Variants in ITGA11 observed in about 807,000 individuals in gnomAD.
ITGA11 encodes the protein integrin subunit alpha 11.
A neutral mutation model predicts 141.9 loss-of-function variants in ITGA11; 97 were observed. The ratio of observed to expected loss-of-function variants is 0.68; its 90% CI spans 0.58 to 0.81. The LOEUF (loss-of-function observed/expected upper bound fraction) is 0.81, where lower values mean the gene tolerates loss of function less well. ITGA11 is among the 30% of genes least tolerant of loss of function. The probability of loss-of-function intolerance (pLI) is 0.00; values close to 1 mark genes in which losing one functional copy is unlikely to be tolerated. For synonymous variants in ITGA11, 658 were observed against 624.6 expected (o/e 1.05, Z -0.80); for missense variants, 1,387 against 1,559.2 (o/e 0.89, Z 1.86).
Position 68,330,994 on chromosome 15 carries a change from C to A in ITGA11, c.1888G>T (p.Ala630Ser), listed in dbSNP as rs765389490. 4 of 1,613,924 alleles carry A rather than the reference C, an allele frequency of 2.5e-6. No homozygotes were observed. The highest frequency in any genetic ancestry group is 8.5e-7 in the Non-Finnish European group (1 of 1,179,874). The change falls in exon 15 of 30, where the codon GCT becomes TCT. Residue 630 changes from alanine to serine, a missense_variant. By Grantham distance (99) the Ala-to-Ser change is moderately conservative. Transcript: ENST00000315757. The stretch of plus-strand genomic sequence containing the variant: ...GGGGGAACCAACCACAGAATCACAG[C>A]GTTGCCAAGGGCTCCCACTGCCAGG... The part of the protein sequence containing the change: ...IDLAVGALGN[A>S]VILWSRPVVQ...
chr15:68,348,963 G>C (rs767171295), intron 9 of ITGA11, 63 bp from the exon 10 acceptor site: 53 of 1,409,672 alleles, frequency 3.8e-5, no homozygotes, highest in Non-Finnish European at 4.9e-5. Flanking sequence ...AGACAGATCT[G>C]CTGCCCAACC....
intron 3 of ITGA11, among the ~76,000 whole-genome samples, chr15:68,368,020 G>A (rs915690375): frequency 4.6e-5 from 7 of 152,344 alleles, no homozygotes; most frequent in Non-Finnish European, 1.0e-4. Flanking sequence ...CCCACCCATG[G>A]TGCTGATGCA....
rs138683289 is a variant in ITGA11 at position 68,410,802 on chromosome 15, G to A, written c.53-7773C>T. On this transcript the variant is annotated intron_variant, in intron 1 of 29. Coordinates refer to ENST00000315757, the MANE Select transcript of ITGA11 (RefSeq NM_001004439.2). The stretch of plus-strand genomic sequence containing the variant: ...GGCACTAGTGCGATAGAGCAAGGGA[G>A]GGGTGAGGGGACGTGGTCCCTACAT... Among the ~76,000 whole-genome samples the A allele has an allele frequency of 7.5e-3, 1,138 of 152,330 alleles. 20 individuals carry two copies. The highest frequency in any genetic ancestry group is 0.026 in the African/African-American group (1,067 of 41,570).
In ITGA11 at chr15:68,301,060, A is replaced by G. The variant is rs1472034461; in HGVS notation, c.*1999T>C. ...TTTAGCAACATTTCCTTCTGATTCT[A>G]TTAGAAGGCAATGGGTTTTGATACT... On this transcript the variant is annotated 3_prime_UTR_variant, in exon 30 of 30. Coordinates refer to ENST00000315757, the MANE Select transcript of ITGA11 (RefSeq NM_001004439.2). This position sits in a 1 kb window ranked among gnomAD's most constrained non-coding sequence, Gnocchi z 4.4. The G allele has an allele frequency of 2.0e-5, 3 of 152,206 alleles. No homozygotes were observed. In the East Asian group the frequency reaches 5.8e-4, roughly 29 times the overall value. The allele number at this position is 152,206 out of a possible 1,614,324, so 9.4% of individuals were successfully genotyped here.
Position 68,322,254 on chromosome 15 carries a change from G to C in ITGA11, c.2323-751C>G, listed in dbSNP as rs1893836754. ...GGGTCATTCCTTGCAACTGGTAGGA[G>C]TCGCCGAATGCCTCAGGCAGGGAAT... On this transcript the variant is annotated intron_variant, in intron 18 of 29. Transcript: ENST00000315757. The surrounding 1 kb of genome is among the most constrained non-coding windows in gnomAD (Gnocchi z 5.6). 1.3e-5 allele frequency among the ~76,000 whole-genome samples: 2 copies of C among 152,200 alleles called. No homozygotes were observed. The highest frequency in any genetic ancestry group is 4.1e-4 in the South Asian group (2 of 4,828).
intron 6 of ITGA11, among the ~76,000 whole-genome samples, chr15:68,358,069 A>G (rs1296329572): frequency 6.6e-6 from 1 of 152,200 alleles, no homozygotes; most frequent in African/African-American, 2.4e-5. Context: ...CGTTTCAGAT[A>G]TATGAGCCTA....
intron 10 of ITGA11, among the ~76,000 whole-genome samples, chr15:68,341,171 G>T (rs1894557469): frequency 1.3e-5 from 2 of 152,198 alleles, no homozygotes. Flanking sequence ...TCTTGGGAGA[G>T]TCAATGTGCT....
rs190830936 is a variant in ITGA11, at chr15:68,348,753, C to A, written c.1131+77G>T. ...CCATCTGTGAAGGTGGATGACAGAT[C>A]CAGAGAGCTAGAAAGGGGAAGAGCA... On this transcript the variant is annotated intron_variant, in intron 10 of 29. Transcript: ENST00000315757. The A allele has an allele frequency of 7.7e-6, 10 of 1,294,382 alleles. No individual in the cohort carries two copies. In the African/African-American group the frequency reaches 1.0e-4, roughly 13 times the overall value. The allele number at this position is 1,294,382 out of a possible 1,614,324, so 80.2% of individuals were successfully genotyped here.
intron 11 of ITGA11, among the ~76,000 whole-genome samples, chr15:68,339,005 C>T (rs1894466920): frequency 6.6e-6 from 1 of 152,222 alleles, no homozygotes; most frequent in Non-Finnish European, 1.5e-5. Context: ...GCTGCTGGGA[C>T]CTTCACCATC....
Position 68,335,584 on chromosome 15 carries a change from G to C in ITGA11, c.1425+113C>G. The C allele has an allele frequency of 1.6e-6, 2 of 1,236,240 alleles. No homozygotes were observed. The highest frequency in any genetic ancestry group is 3.0e-5 in the African/African-American group (2 of 67,436). The allele number at this position is 1,236,240 out of a possible 1,614,324, so 76.6% of individuals were successfully genotyped here. On this transcript the variant is annotated intron_variant, in intron 12 of 29. Transcript: ENST00000315757. This position sits in a 1 kb window ranked among gnomAD's most constrained non-coding sequence, Gnocchi z 4.9. ...AGCATGAAGGTGGCTGGAGGAACAT[G>C]ACTGCCCTTTGGGGCACCCAGTGGT...
chr15:68,379,062 C>T (rs888819332), intron 2 of ITGA11, among the ~76,000 whole-genome samples: 2 of 152,326 alleles, frequency 1.3e-5, no homozygotes, highest in Non-Finnish European at 2.9e-5. Flanking sequence ...CCAACTTGTG[C>T]CATTTACAGT....
rs145683558 is a variant in ITGA11, at chr15:68,425,086, G to A, written c.52+6929C>T. ...ATTCCCAGAACTTGGAGGTGCCTGG[G>A]GCTTAGTGGGCGCTCAGCACATGCT... On this transcript the variant is annotated intron_variant, in intron 1 of 29. Transcript: ENST00000315757. Among the ~76,000 whole-genome samples, 833 of 152,300 alleles carry A rather than the reference G, an allele frequency of 5.5e-3. 5 individuals are homozygous for A. The highest frequency in any genetic ancestry group is 0.019 in the African/African-American group (786 of 41,558).
In ITGA11 at chr15:68,322,743, C is replaced by T. The variant is rs1451500295; in HGVS notation, c.2323-1240G>A. 6.6e-6 allele frequency among the ~76,000 whole-genome samples: 1 copy of T among 151,936 alleles called. No individual in the cohort carries two copies. The highest frequency in any genetic ancestry group is 1.5e-5 in the Non-Finnish European group (1 of 68,002). ...ATTAGCTGGGCGCAGTGGCTGCAGT[C>T]CCAGCTACTCGGGAGGCTGAGGCAG... On this transcript the variant is annotated intron_variant, in intron 18 of 29. Coordinates refer to ENST00000315757, the MANE Select transcript of ITGA11 (RefSeq NM_001004439.2). The surrounding 1 kb of genome is among the most constrained non-coding windows in gnomAD (Gnocchi z 5.6).
rs183281143 is a variant in ITGA11 at position 68,328,906 on chromosome 15, C to A, written c.1902-644G>T. ...CAGCATCCATCTAACCCCCACACTA[C>A]CCCATCCAGGTAACCAAGGAAATAC... On this transcript the variant is annotated intron_variant, in intron 15 of 29. Coordinates refer to ENST00000315757, the MANE Select transcript of ITGA11 (RefSeq NM_001004439.2). The surrounding 1 kb of genome is among the most constrained non-coding windows in gnomAD (Gnocchi z 4.8). Among the ~76,000 whole-genome samples the A allele has an allele frequency of 1.2e-3, 187 of 152,286 alleles. No individual in the cohort carries two copies. Among genetic ancestry groups the A allele is most frequent in the African/African-American group, 4.4e-3 (182 of 41,550 alleles).
chr15:68,326,311 A>T lies in ITGA11; in HGVS notation c.2211+343T>A, dbSNP rs1893970018. The stretch of plus-strand genomic sequence containing the variant: ...CACTGTCTCCTGGACCTGGCCTTTA[A>T]TTGTTAGCTGCTGCCTGCTTATCCC... On this transcript the variant is annotated intron_variant, in intron 17 of 29. Coordinates refer to ENST00000315757, the MANE Select transcript of ITGA11 (RefSeq NM_001004439.2). The surrounding 1 kb of genome is among the most constrained non-coding windows in gnomAD (Gnocchi z 6.8). Among the ~76,000 whole-genome samples, 1 of 152,048 alleles carries T rather than the reference A, an allele frequency of 6.6e-6. No homozygotes were observed. Among genetic ancestry groups the T allele is most frequent in the Admixed American group, 6.5e-5 (1 of 15,276 alleles).
intron 2 of ITGA11, among the ~76,000 whole-genome samples, chr15:68,393,977 T>C (rs1022187129): frequency 6.6e-6 from 1 of 152,180 alleles, no homozygotes; most frequent in African/African-American, 2.4e-5. Flanking sequence ...TAGAAAGTGG[T>C]AAAATACTAA....
intron 1 of ITGA11, among the ~76,000 whole-genome samples, chr15:68,418,281 A>T (rs1349311115): frequency 6.6e-6 from 1 of 152,238 alleles, no homozygotes; most frequent in Non-Finnish European, 1.5e-5. Context: ...AATGAATAGA[A>T]GTATTCAGGC....
chr15:68,379,473 T>G (rs1895807933), intron 2 of ITGA11, among the ~76,000 whole-genome samples: 1 of 152,196 alleles, frequency 6.6e-6, no homozygotes, highest in Non-Finnish European at 1.5e-5. Context: ...GTTTGTTGAG[T>G]GAACACATGA....
intron 2 of ITGA11, among the ~76,000 whole-genome samples, chr15:68,373,393 C>T (rs1895645743): frequency 6.6e-6 from 1 of 152,194 alleles, no homozygotes; most frequent in Non-Finnish European, 1.5e-5. Flanking sequence ...TTTGGCTTTG[C>T]CTCAGGCCTA....
Sources: allele counts gnomAD v4.1 joint callset (sites outside exome capture counted in the v4.1 genomes callset), GRCh38; gene constraint gnomAD v4.1.1; non-coding constraint Gnocchi (gnomAD v3.1); transcripts MANE v1.5; gene names NCBI Gene and HGNC (gene_info 2026-07-23, HGNC 2026-07-21).